The following FAM135B variants were observed in gnomAD, a reference collection of about 807,000 sequenced individuals.
The protein encoded by FAM135B is protein FAM135B.
Under a neutral mutation model 127.7 loss-of-function variants are expected in FAM135B, and 43 were observed. That is an observed-to-expected ratio of 0.34 (90% confidence interval 0.26 to 0.43). The LOEUF (loss-of-function observed/expected upper bound fraction) is 0.43, where lower values mean the gene tolerates loss of function less well. Ranked by LOEUF, FAM135B falls within the 20% of genes least tolerant of loss-of-function variation. The pLI is 1.00. For missense variants in FAM135B, 1,558 were observed against 1,725.6 expected, an observed-to-expected ratio of 0.90 and a Z score of 1.72; for synonymous variants, 670 against 665.1, an observed-to-expected ratio of 1.01 and a Z score of -0.11.
intron 3 of FAM135B, among the ~76,000 whole-genome samples, chr8:138,285,995 G>A (rs1824653971): frequency 6.6e-6 from 1 of 152,072 alleles, no homozygotes; most frequent in East Asian, 1.9e-4. Context: ...TGAAGAGAAC[G>A]GAGTTCCTGT....
At chr8:138,225,574 A>G (rs1212639405) in intron 7 of FAM135B, among the ~76,000 whole-genome samples, 3 of 151,948 alleles carry the variant, frequency 2.0e-5, no homozygotes, top group Non-Finnish European at 4.4e-5. Flanking sequence ...TGGGCAGAGA[A>G]TAGACACCTA....
intron 2 of FAM135B, among the ~76,000 whole-genome samples, chr8:138,348,377 C>T (rs1027525810): frequency 7.9e-5 from 12 of 152,110 alleles, no homozygotes; most frequent in South Asian, 2.1e-4. Flanking sequence ...TCAGGTGATC[C>T]GCCCACCTCG....
chr8:138,235,126 T>G (rs546588389), intron 7 of FAM135B, among the ~76,000 whole-genome samples: 87 of 152,328 alleles, frequency 5.7e-4, no homozygotes, highest in Admixed American at 1.3e-3. Flanking sequence ...CTATTATGTC[T>G]GATGGCTACA....
chr8:138,201,445 A>T (rs570630906), intron 7 of FAM135B, among the ~76,000 whole-genome samples: 19 of 152,218 alleles, frequency 1.2e-4, no homozygotes, highest in Non-Finnish European at 2.4e-4. Flanking sequence ...CTGAAAAAAA[A>T]ATATACGGCT....
chr8:138,315,569 A>G (rs187330466), intron 2 of FAM135B, among the ~76,000 whole-genome samples: 272 of 152,270 alleles, frequency 1.8e-3, no homozygotes, highest in African/African-American at 5.4e-3. Context: ...CAGAAACAAC[A>G]TAAGTGCCCA....
chr8:138,388,997 G>T (rs991186744), intron 1 of FAM135B, among the ~76,000 whole-genome samples: 5 of 152,120 alleles, frequency 3.3e-5, no homozygotes, highest in African/African-American at 4.8e-5. Context: ...CAGGTGTGGA[G>T]TCAGGGGGTA....
intron 4 of FAM135B, among the ~76,000 whole-genome samples, chr8:138,262,465 T>C (rs1267559966): frequency 1.3e-5 from 2 of 152,186 alleles, no homozygotes; most frequent in African/African-American, 2.4e-5. Context: ...TTATTACCAC[T>C]CTAGGCAACC....
At chr8:138,321,784 T>C (rs1470288957) in intron 2 of FAM135B, among the ~76,000 whole-genome samples, 1 of 152,214 alleles carries the variant, frequency 6.6e-6, no homozygotes, top group Non-Finnish European at 1.5e-5. Context: ...GATGGCTTTA[T>C]GAAGGCACCT....
chr8:138,402,927 A>G (rs1382881098), intron 1 of FAM135B, among the ~76,000 whole-genome samples: 1 of 152,128 alleles, frequency 6.6e-6, no homozygotes, highest in African/African-American at 2.4e-5. Context: ...AAGGGAGATG[A>G]GTGACCTTAC....
At chr8:138,204,702 A>T (rs1240912645) in intron 7 of FAM135B, among the ~76,000 whole-genome samples, 2 of 152,256 alleles carry the variant, frequency 1.3e-5, no homozygotes, top group East Asian at 3.8e-4. Context: ...TGCTATAGAA[A>T]TTTATGTCCT....
intron 2 of FAM135B, among the ~76,000 whole-genome samples, chr8:138,335,922 C>T (rs1207689742): frequency 6.6e-6 from 1 of 152,184 alleles, no homozygotes; most frequent in African/African-American, 2.4e-5. Context: ...GACCACAGTG[C>T]AATCAAACTA....
At chr8:138,436,331 C>T (rs1052491977) in intron 1 of FAM135B, among the ~76,000 whole-genome samples, 3 of 152,110 alleles carry the variant, frequency 2.0e-5, no homozygotes, top group African/African-American at 7.2e-5. Flanking sequence ...CTGGAAAATA[C>T]CCCTGAGCAT....
At chr8:138,407,011 A>G (rs142801395) in intron 1 of FAM135B, among the ~76,000 whole-genome samples, 1 of 147,274 alleles carries the variant, frequency 6.8e-6, no homozygotes, top group Non-Finnish European at 1.5e-5. Flanking sequence ...GAAAACCCCA[A>G]TGTCTCAGCC....
chr8:138,358,090 G>C (rs747739185), intron 2 of FAM135B, among the ~76,000 whole-genome samples: 1 of 151,998 alleles, frequency 6.6e-6, no homozygotes, highest in Non-Finnish European at 1.5e-5. Flanking sequence ...GCATGTGTAG[G>C]GGAACTACCC....
At chr8:138,246,753 A>G (rs969677344) in intron 6 of FAM135B, among the ~76,000 whole-genome samples, 1 of 152,178 alleles carries the variant, frequency 6.6e-6, no homozygotes, top group African/African-American at 2.4e-5. Context: ...AGACTCCAGA[A>G]TGGTAGATCC....
At chr8:138,384,526 G>A (rs1005746718) in intron 1 of FAM135B, among the ~76,000 whole-genome samples, 4 of 152,114 alleles carry the variant, frequency 2.6e-5, no homozygotes, top group Non-Finnish European at 4.4e-5. Flanking sequence ...AGGCTCTACT[G>A]CAATAGGTCA....
At chr8:138,266,360 G>A (rs1332995488) in intron 3 of FAM135B, among the ~76,000 whole-genome samples, 1 of 151,982 alleles carries the variant, frequency 6.6e-6, no homozygotes, top group Non-Finnish European at 1.5e-5. Context: ...ATCCTATTAT[G>A]CTGTATATCA....
At chr8:138,139,138 A>G in intron 17 of FAM135B, 42 bp from the exon 18 acceptor site, 4 of 1,263,816 alleles carry the variant, frequency 3.2e-6, no homozygotes, top group Non-Finnish European at 4.6e-6. Context: ...AACACAAAAC[A>G]AAACAAAAAC....
In FAM135B at chr8:138,243,122, C is replaced by A. The variant is rs2130389464; in HGVS notation, c.543-54G>T. ...AAAGGAGGTAAAGAAAGTGATGGTG[C>A]CATTAACTCAGCCCCTTTGAGGAGT... On this transcript the variant is annotated intron_variant, in intron 6 of 19. Transcript: ENST00000395297. This position sits in a 1 kb window ranked among gnomAD's most constrained non-coding sequence, Gnocchi z 7.5. The A allele has an allele frequency of 6.4e-7, 1 of 1,565,510 alleles. No individual in the cohort carries two copies. Among genetic ancestry groups the A allele is most frequent in the African/African-American group, 1.4e-5 (1 of 73,524 alleles).
Sources: allele counts gnomAD v4.1 joint callset (sites outside exome capture counted in the v4.1 genomes callset), GRCh38; gene constraint gnomAD v4.1.1; non-coding constraint Gnocchi (gnomAD v3.1); transcripts MANE v1.5; gene names NCBI Gene and HGNC (gene_info 2026-07-23, HGNC 2026-07-21).